Variants in CPQ observed in about 807,000 individuals in gnomAD.
CPQ encodes the protein Ser-Met dipeptidase.
A neutral mutation model predicts 45.7 loss-of-function variants in CPQ; 37 were observed. The ratio of observed to expected loss-of-function variants is 0.81; its 90% CI spans 0.62 to 1.07. CPQ has a LOEUF of 1.07. Among genes scored for constraint, CPQ ranks in the 50% least tolerant of loss-of-function variants. CPQ has a pLI of 0.00. For synonymous variants in CPQ, 186 were observed against 205.8 expected, an observed-to-expected ratio of 0.90 and a Z score of 0.82; for missense variants, 537 against 572.9, an observed-to-expected ratio of 0.94 and a Z score of 0.64.
At chr8:97,078,305 A>T (rs1466320711) in intron 7 of CPQ, among the ~76,000 whole-genome samples, 2 of 152,098 alleles carry the variant, frequency 1.3e-5, no homozygotes, top group Non-Finnish European at 2.9e-5. Context: ...AATCCAATTT[A>T]TTTTCCTAGG....
intron 4 of CPQ, among the ~76,000 whole-genome samples, chr8:96,927,326 C>G (rs79798960): frequency 0.022 from 3,314 of 152,260 alleles, 93 homozygotes; most frequent in African/African-American, 0.065. Flanking sequence ...TGTTCCCCAT[C>G]GTGCATGCAT....
At chr8:97,004,356 T>G (rs1466620472) in intron 5 of CPQ, among the ~76,000 whole-genome samples, 3 of 150,898 alleles carry the variant, frequency 2.0e-5, no homozygotes, top group Non-Finnish European at 4.4e-5. Flanking sequence ...AAATGACACT[T>G]GTAGTCTTTT....
At chr8:97,085,103 A>G in intron 7 of CPQ, among the ~76,000 whole-genome samples, 1 of 152,088 alleles carries the variant, frequency 6.6e-6, no homozygotes, top group Non-Finnish European at 1.5e-5. Context: ...AATAAAAGTC[A>G]CCATGTGTGG....
At chr8:96,914,238 T>A (rs1414763641) in intron 4 of CPQ, among the ~76,000 whole-genome samples, 1 of 152,168 alleles carries the variant, frequency 6.6e-6, no homozygotes, top group Non-Finnish European at 1.5e-5. Flanking sequence ...AAGGACTTTA[T>A]AGCTATAAAA....
At chr8:96,703,002 G>T (rs1428253587) in intron 1 of CPQ, among the ~76,000 whole-genome samples, 3 of 152,052 alleles carry the variant, frequency 2.0e-5, no homozygotes, top group South Asian at 2.1e-4. Context: ...CAGTTCTGTT[G>T]GTTGTGAGTA....
intron 2 of CPQ, among the ~76,000 whole-genome samples, chr8:96,812,022 G>A (rs946395269): frequency 6.6e-6 from 1 of 151,974 alleles, no homozygotes; most frequent in African/African-American, 2.4e-5. Context: ...CTTTCTTTGT[G>A]GATTATTTTC....
intron 4 of CPQ, among the ~76,000 whole-genome samples, chr8:96,956,776 T>G (rs1033639706): frequency 2.6e-5 from 4 of 152,196 alleles, no homozygotes; most frequent in Non-Finnish European, 5.9e-5. Context: ...TTGCAACATC[T>G]CCTTTCTAAA....
At chr8:96,828,461 T>C (rs1176713736) in intron 2 of CPQ, among the ~76,000 whole-genome samples, 1 of 151,976 alleles carries the variant, frequency 6.6e-6, no homozygotes, top group African/African-American at 2.4e-5. Flanking sequence ...CAATTGGCAC[T>C]CATTTTTCCC....
At chr8:97,120,928 G>A (rs2130606558) in intron 7 of CPQ, among the ~76,000 whole-genome samples, 1 of 152,250 alleles carries the variant, frequency 6.6e-6, no homozygotes, top group South Asian at 2.1e-4. Flanking sequence ...GTGCCCCATA[G>A]CATTCTAACT....
intron 5 of CPQ, among the ~76,000 whole-genome samples, chr8:96,976,479 T>C (rs1382566714): frequency 2.0e-5 from 3 of 151,982 alleles, no homozygotes; most frequent in African/African-American, 7.2e-5. Context: ...ACCATCATTC[T>C]TCAAGAAGTA....
chr8:96,980,930 A>G (rs1813883197), intron 5 of CPQ, among the ~76,000 whole-genome samples: 1 of 152,142 alleles, frequency 6.6e-6, no homozygotes, highest in Admixed American at 6.5e-5. Flanking sequence ...CATTTTTCCC[A>G]TCCCTTTTGC....
At chr8:97,139,757 C>T (rs1014099312) in intron 7 of CPQ, among the ~76,000 whole-genome samples, 9 of 151,942 alleles carry the variant, frequency 5.9e-5, no homozygotes, top group African/African-American at 2.2e-4. Context: ...AAGATTATAG[C>T]CTTACTGCTT....
Position 96,998,668 on chromosome 8 carries a change from A to T in CPQ, c.962-30735A>T, listed in dbSNP as rs148073236. On this transcript the variant is annotated intron_variant, in intron 5 of 7. Transcript: ENST00000220763. Reference sequence around the variant, plus strand: ...TGAAGCTAAAGAACATCAAGGGCAGAATATTTGCTTTTCTGAATGGGGAGA... The same window carrying T: ...TGAAGCTAAAGAACATCAAGGGCAGTATATTTGCTTTTCTGAATGGGGAGA... Among the ~76,000 whole-genome samples, 395 of 152,064 alleles carry T rather than the reference A, an allele frequency of 2.6e-3. 2 individuals are homozygous for T. The highest frequency in any genetic ancestry group is 8.9e-3 in the African/African-American group (369 of 41,540).
chr8:97,069,470 TA>T (rs76928528), intron 7 of CPQ, among the ~76,000 whole-genome samples: 361 of 124,612 alleles, frequency 2.9e-3, no homozygotes, highest in Admixed American at 4.7e-3. Context: ...CATCTGTCTC[TA>T]AAAAAAAAAA....
At chr8:96,739,938 G>T (rs1439923054) in intron 1 of CPQ, among the ~76,000 whole-genome samples, 3 of 152,134 alleles carry the variant, frequency 2.0e-5, no homozygotes, top group Non-Finnish European at 2.9e-5. Context: ...TTGACTTGAT[G>T]ATGCGGGCTC....
At chr8:96,929,974 A>G (rs1812949064) in intron 4 of CPQ, among the ~76,000 whole-genome samples, 2 of 152,164 alleles carry the variant, frequency 1.3e-5, no homozygotes, top group South Asian at 2.1e-4. Flanking sequence ...AAAGAACCCC[A>G]GCTGGAGCAG....
At chr8:96,708,431 G>GTATA (rs1253933427) in intron 1 of CPQ, among the ~76,000 whole-genome samples, 12 of 91,654 alleles carry the variant, frequency 1.3e-4, no homozygotes, top group African/African-American at 3.1e-4. Context: ...GTGTGTGTGT[G>GTATA]TGTGTGTATA....
At chr8:96,773,221 A>C in intron 1 of CPQ, among the ~76,000 whole-genome samples, 1 of 151,094 alleles carries the variant, frequency 6.6e-6, no homozygotes, top group African/African-American at 2.5e-5. Flanking sequence ...GTATTCTATA[A>C]ATATTAATAG....
intron 1 of CPQ, among the ~76,000 whole-genome samples, chr8:96,658,799 C>T (rs1023829978): frequency 5.9e-5 from 9 of 151,518 alleles, no homozygotes; most frequent in Admixed American, 1.3e-4. Flanking sequence ...TGGGTGGCCA[C>T]GAGCCAAGGA....
Sources: allele counts gnomAD v4.1 joint callset (sites outside exome capture counted in the v4.1 genomes callset), GRCh38; gene constraint gnomAD v4.1.1; transcripts MANE v1.5; gene names NCBI Gene and HGNC (gene_info 2026-07-23, HGNC 2026-07-21).